Variants in SLC9A9 observed in about 807,000 individuals in gnomAD.
The protein encoded by SLC9A9 is sodium/hydrogen exchanger 9.
A neutral mutation model predicts 77.8 loss-of-function variants in SLC9A9; 62 were observed. The ratio of observed to expected loss-of-function variants is 0.80; its 90% CI spans 0.65 to 0.98. SLC9A9 has a LOEUF of 0.98. Ranked by LOEUF, SLC9A9 falls within the 50% of genes least tolerant of loss-of-function variation. SLC9A9 has a pLI of 0.00. For synonymous variants in SLC9A9, 320 were observed against 283.5 expected (o/e 1.13, Z -1.29); for missense variants, 775 against 774.9 (o/e 1.00, Z 0.00).
At chr3:143,501,534 G>A (rs2035923106) in intron 9 of SLC9A9, among the ~76,000 whole-genome samples, 1 of 150,842 alleles carries the variant, frequency 6.6e-6, no homozygotes, top group South Asian at 2.1e-4. Context: ...CAGAAAGAAT[G>A]AAGCAATTTG....
chr3:143,268,846 C>T (rs753593902), intron 15 of SLC9A9, 29 bp downstream of exon 15: 3 of 1,564,346 alleles, frequency 1.9e-6, no homozygotes, highest in South Asian at 2.2e-5. Flanking sequence ...GGGATATTCC[C>T]TCACCCTAGA....
chr3:143,305,561 C>T (rs2030744243), intron 14 of SLC9A9, among the ~76,000 whole-genome samples: 1 of 152,292 alleles, frequency 6.6e-6, no homozygotes, highest in South Asian at 2.1e-4. Context: ...GGGGTTTCAA[C>T]GTCTTTATAC....
At chr3:143,825,095 C>T (rs1217091442) in intron 2 of SLC9A9, among the ~76,000 whole-genome samples, 1 of 152,114 alleles carries the variant, frequency 6.6e-6, no homozygotes, top group Non-Finnish European at 1.5e-5. Context: ...TTCTCCACAC[C>T]CCCAATGCTG....
At chr3:143,338,179 A>G (rs1377644001) in intron 14 of SLC9A9, among the ~76,000 whole-genome samples, 4 of 152,218 alleles carry the variant, frequency 2.6e-5, no homozygotes, top group African/African-American at 9.6e-5. Context: ...AAGAGCTCTC[A>G]TTGTGATTGC....
chr3:143,814,394 G>A (rs1231267260), intron 2 of SLC9A9, among the ~76,000 whole-genome samples: 1 of 152,170 alleles, frequency 6.6e-6, no homozygotes, highest in South Asian at 2.1e-4. Context: ...AAGAGCCAAG[G>A]ATCAAGGACA....
intron 13 of SLC9A9, among the ~76,000 whole-genome samples, chr3:143,371,492 C>A (rs188240115): frequency 1.3e-5 from 2 of 152,066 alleles, no homozygotes; most frequent in East Asian, 3.9e-4. Flanking sequence ...CATATCATAA[C>A]AACTGCTAGA....
chr3:143,741,204 A>T (rs953516639), intron 4 of SLC9A9, among the ~76,000 whole-genome samples: 2 of 152,144 alleles, frequency 1.3e-5, no homozygotes, highest in Non-Finnish European at 2.9e-5. Context: ...TGTTCCTAAC[A>T]CTGGGTAGGA....
intron 9 of SLC9A9, among the ~76,000 whole-genome samples, chr3:143,499,945 A>C (rs2035899836): frequency 6.6e-6 from 1 of 152,212 alleles, no homozygotes; most frequent in Non-Finnish European, 1.5e-5. Flanking sequence ...ATTATATATT[A>C]ACCTTTTTTA....
chr3:143,449,831 AT>A (rs2034953861), intron 12 of SLC9A9, among the ~76,000 whole-genome samples: 1 of 65,302 alleles, frequency 1.5e-5, no homozygotes, highest in African/African-American at 7.4e-5. Context: ...TACATATATA[AT>A]TATATGTATT....
In SLC9A9 at chr3:143,726,808, G is replaced by A. The variant is rs138988103; in HGVS notation, c.534-33501C>T. Among the ~76,000 whole-genome samples, 290 of 152,286 alleles carry A rather than the reference G, an allele frequency of 1.9e-3. 1 individual carries two copies. Among genetic ancestry groups the A allele is most frequent in the African/African-American group, 6.3e-3 (261 of 41,558 alleles). ...AGAAATCATATTCTGGGAGGATATG[G>A]TTGATTGGAAATACAGTGACCAAGA... On this transcript the variant is annotated intron_variant, in intron 4 of 15. Coordinates refer to ENST00000316549, the MANE Select transcript of SLC9A9 (RefSeq NM_173653.4).
chr3:143,442,285 C>G (rs537241138), intron 12 of SLC9A9, among the ~76,000 whole-genome samples: 1 of 152,212 alleles, frequency 6.6e-6, no homozygotes, highest in Non-Finnish European at 1.5e-5. Context: ...AGTGGAGATA[C>G]GCCCTCATGT....
At chr3:143,505,867 C>G (rs573003628) in intron 9 of SLC9A9, among the ~76,000 whole-genome samples, 62 of 152,220 alleles carry the variant, frequency 4.1e-4, no homozygotes, top group African/African-American at 1.1e-3. Context: ...CTGAAACCCT[C>G]AAGCTTATAA....
intron 5 of SLC9A9, among the ~76,000 whole-genome samples, chr3:143,656,780 A>G (rs1325578202): frequency 6.6e-6 from 1 of 152,184 alleles, no homozygotes; most frequent in African/African-American, 2.4e-5. Flanking sequence ...TATGTATGAC[A>G]CTTGTCCATG....
chr3:143,279,307 T>C (rs1470054910), intron 14 of SLC9A9, among the ~76,000 whole-genome samples: 1 of 152,204 alleles, frequency 6.6e-6, no homozygotes, highest in African/African-American at 2.4e-5. Context: ...CACAGCAAGA[T>C]TTCAAGTGAG....
chr3:143,431,818 A>C (rs979599974), intron 12 of SLC9A9, among the ~76,000 whole-genome samples: 2 of 150,868 alleles, frequency 1.3e-5, no homozygotes, highest in African/African-American at 4.9e-5. Context: ...AGCCCCTCCT[A>C]CTCTCCTACA....
At chr3:143,557,254 C>A (rs989202382) in intron 8 of SLC9A9, among the ~76,000 whole-genome samples, 2 of 152,188 alleles carry the variant, frequency 1.3e-5, no homozygotes, top group African/African-American at 4.8e-5. Context: ...TTGTAAGTTT[C>A]CTGAAGCCTC....
chr3:143,444,237 G>C (rs560813601), intron 12 of SLC9A9, among the ~76,000 whole-genome samples: 6 of 152,340 alleles, frequency 3.9e-5, no homozygotes, highest in Admixed American at 3.9e-4. Context: ...AAATTGGCCA[G>C]ATGCCTAGAT....
chr3:143,726,250 AG>A (rs1934650745), intron 4 of SLC9A9, among the ~76,000 whole-genome samples: 1 of 86,622 alleles, frequency 1.2e-5, no homozygotes, highest in Non-Finnish European at 2.3e-5. Flanking sequence ...AAATAAAAAA[AG>A]AAAAAAAAAA....
chr3:143,835,614 G>T (rs951583956), intron 1 of SLC9A9, among the ~76,000 whole-genome samples: 1 of 152,194 alleles, frequency 6.6e-6, no homozygotes, highest in Admixed American at 6.5e-5. Context: ...AAAGTAGGAT[G>T]GCTAGTAGAA....
Sources: gnomAD v4.1 joint callset for allele counts (sites outside exome capture counted in the v4.1 genomes callset) on GRCh38, gnomAD v4.1.1 for gene constraint, MANE v1.5 for transcripts, NCBI Gene and HGNC (gene_info 2026-07-23, HGNC 2026-07-21) for gene names.